The following ADPRHL1 variants were observed in gnomAD, a reference collection of about 807,000 sequenced individuals.
The protein encoded by ADPRHL1 is inactive ADP-ribosyltransferase ARH2.
ADPRHL1 carries 43 observed loss-of-function variants against 44.1 expected under a neutral mutation model. The ratio of observed to expected loss-of-function variants is 0.98; its 90% CI spans 0.76 to 1.26. ADPRHL1 has a LOEUF of 1.26. Among genes scored for constraint, ADPRHL1 ranks in the 50% most tolerant of loss-of-function variants. ADPRHL1 has a pLI of 0.00. For synonymous variants in ADPRHL1, 878 were observed against 1,017.4 expected, an observed-to-expected ratio of 0.86 and a Z score of 2.61; for missense variants, 2,022 against 2,496.9, an observed-to-expected ratio of 0.81 and a Z score of 4.05.
Position 113,404,706 on chromosome 13 carries a change from C to T in ADPRHL1, c.4576G>A (p.Gly1526Ser). ...AQGQAQEQAQGGTQGHSQGQA... is the reference protein window; with the variant it reads ...AQGQAQEQAQSGTQGHSQGQA... ...CCCTGACTGTGTCCCTGGGTCCCAC[C>T]CTGAGCCTGTTCCTGTGCCTGCCCC... Residue 1526 changes from glycine (G) to serine (S), a missense_variant, in exon 8 of 8, where the codon GGT becomes AGT. This residue lies in a region of ADPRHL1 where 32 missense variants were observed against 72.6 expected (regional missense o/e 0.44). Coordinates refer to ENST00000612156, the MANE Select transcript of ADPRHL1 (RefSeq NM_001394807.1). 1 of 1,280,468 alleles carries T rather than the reference C, an allele frequency of 7.8e-7. No individual in the cohort carries two copies. The highest frequency in any genetic ancestry group is 9.8e-7 in the Non-Finnish European group (1 of 1,020,086). The allele number at this position is 1,280,468 out of a possible 1,614,324, so 79.3% of individuals were successfully genotyped here. A position where few individuals can be genotyped will look rare whatever the true frequency, so the allele number is the denominator to read the frequency against.
At chr13:113,447,121 T>C (rs1472066428) in intron 1 of ADPRHL1, among the ~76,000 whole-genome samples, 3 of 147,490 alleles carry the variant, frequency 2.0e-5, no homozygotes, top group African/African-American at 7.6e-5. Flanking sequence ...TGTGTGTGCA[T>C]GGTGTCTACA....
intron 4 of ADPRHL1, among the ~76,000 whole-genome samples, chr13:113,425,685 T>TTC (rs1491527029): frequency 1.0e-5 from 1 of 96,396 alleles, no homozygotes; most frequent in African/African-American, 3.7e-5. Flanking sequence ...TTTTTCTTTC[T>TTC]TTTTTTTTTT....
intron 2 of ADPRHL1, among the ~76,000 whole-genome samples, chr13:113,440,458 C>CTTT (rs758896751): frequency 2.8e-5 from 4 of 142,352 alleles, no homozygotes; most frequent in Non-Finnish European, 6.2e-5. Context: ...ATTTTTCCAT[C>CTTT]TTTTTTTTTT....
At position 113,404,980 on chromosome 13, in the gene ADPRHL1, GC is replaced by G; in HGVS notation, c.4301del (p.Gly1434AlafsTer81). The G allele has an allele frequency of 8.1e-7, 1 of 1,234,950 alleles. No homozygotes were observed. 76.5% of individuals were successfully genotyped at this position (1,234,950 alleles called of 1,614,324 possible). On this transcript the variant is annotated frameshift_variant, in exon 8 of 8. Transcript: ENST00000612156. LOFTEE classifies it low-confidence loss of function (END_TRUNC). ...GDKGMAIGVG[G>X]ACQRSDQGQQ... ...GACCTTGGTCACTGCGCTGGCAGGC[GC>G]CCCCAACCCCAATGGCCATCCCTTT...
At chr13:113,427,381 A>C (rs66768418) in intron 4 of ADPRHL1, among the ~76,000 whole-genome samples, 51,337 of 152,122 alleles carry the variant, frequency 0.34, 10,372 homozygotes, top group East Asian at 0.69. Context: ...GGCTGCAGAC[A>C]ACAACCTCAG....
Position 113,406,757 on chromosome 13 carries a change from C to T in ADPRHL1, c.2525G>A (p.Arg842Gln), listed in dbSNP as rs776777726. ...GACAACTGGAATTTGGACAGTTATCCGTGGAGGCTCCGTGGCAGGCTGTGT... is the reference window on the plus strand; with the variant it reads ...GACAACTGGAATTTGGACAGTTATCTGTGGAGGCTCCGTGGCAGGCTGTGT... ...RRTQPATEPPRITVQIPVVHE... is the reference protein window; with the variant it reads ...RRTQPATEPPQITVQIPVVHE... The change falls in exon 8 of 8, where the codon CGG becomes CAG. Residue 842 changes from arginine to glutamine, a missense_variant. Physicochemically the swap from Arg to Gln is conservative, Grantham distance 43. Transcript: ENST00000612156. 1.3e-4 allele frequency: 165 copies of T among 1,231,964 alleles called. No homozygotes were observed. Among genetic ancestry groups the T allele is most frequent in the South Asian group, 2.1e-4 (5 of 24,314 alleles). The allele number at this position is 1,231,964 out of a possible 1,614,324, so 76.3% of individuals were successfully genotyped here. A position where few individuals can be genotyped will look rare whatever the true frequency, so the allele number is the denominator to read the frequency against.
chr13:113,426,957 A>G (rs1263009840), intron 4 of ADPRHL1, among the ~76,000 whole-genome samples: 1 of 152,214 alleles, frequency 6.6e-6, no homozygotes, highest in Non-Finnish European at 1.5e-5. Flanking sequence ...TACGGGACTT[A>G]ACGATCTCTG....
At chr13:113,432,571 G>A (rs373709024) in intron 3 of ADPRHL1, among the ~76,000 whole-genome samples, 7 of 152,184 alleles carry the variant, frequency 4.6e-5, no homozygotes, top group South Asian at 2.1e-4. Context: ...TCATTTTAAC[G>A]AGTTAGCAAA....
At position 113,403,872 on chromosome 13, in the gene ADPRHL1, C is replaced by T; in HGVS notation, c.5410G>A (p.Gly1804Ser). ...KGAQERAWEQ[G>S]REQALTSGMA... ...CCACTTGTCAAGGCCTGTTCCCGAC[C>T]CTGTTCCCAAGCCCGTTCCTGAGCC... The change falls in exon 8 of 8, where the codon GGT (glycine) becomes AGT (serine). Residue 1804 changes from glycine to serine, a missense_variant. Transcript: ENST00000612156. 4.8e-6 allele frequency: 6 copies of T among 1,259,756 alleles called. No individual in the cohort carries two copies. Among genetic ancestry groups the T allele is most frequent in the Non-Finnish European group, 6.0e-6 (6 of 1,007,034 alleles). 78.0% of individuals were successfully genotyped at this position (1,259,756 alleles called of 1,614,324 possible). A position where few individuals can be genotyped will look rare whatever the true frequency, so the allele number is the denominator to read the frequency against.
chr13:113,407,245 G>A lies in ADPRHL1; in HGVS notation c.2037C>T (p.Pro679=), dbSNP rs1317224720. The change falls in exon 8 of 8, where the codon CCC becomes CCT. Residue 679 remains proline, a synonymous_variant. Coordinates refer to ENST00000612156, the MANE Select transcript of ADPRHL1 (RefSeq NM_001394807.1). ...GCTTCGAGGGCCTTGGCTGTCTTTGGGGCTCCTCCTCCAGGGGCCCCTTTC... is the reference window on the plus strand; with the variant it reads ...GCTTCGAGGGCCTTGGCTGTCTTTGAGGCTCCTCCTCCAGGGGCCCCTTTC... The part of the protein sequence containing the change: ...AVGKGPLEEE[P]QRQPRPSKPV... 4 of 1,232,142 alleles carry A rather than the reference G, an allele frequency of 3.2e-6. No homozygotes were observed. The highest frequency in any genetic ancestry group is 4.0e-6 in the Non-Finnish European group (4 of 988,108). The allele number at this position is 1,232,142 out of a possible 1,614,324, so 76.3% of individuals were successfully genotyped here. A position where few individuals can be genotyped will look rare whatever the true frequency, so the allele number is the denominator to read the frequency against.
intron 4 of ADPRHL1, among the ~76,000 whole-genome samples, chr13:113,425,527 A>G (rs2043962016): frequency 1.3e-5 from 2 of 150,570 alleles, no homozygotes; most frequent in South Asian, 4.2e-4. Context: ...GCCCACCACC[A>G]CACCCGGCTA....
In ADPRHL1 at chr13:113,413,064, G is replaced by A. The variant is rs1259909678; in HGVS notation, c.1062-4844C>T. The stretch of plus-strand genomic sequence containing the variant: ...CCCACCGCCAACAGCGCCCCGCAGA[G>A]CTCGGTTCACCCACCGCCAACAGCG... On this transcript the variant is annotated intron_variant, in intron 7 of 7. Transcript: ENST00000612156. Among the ~76,000 whole-genome samples the A allele has an allele frequency of 4.6e-3, 320 of 69,450 alleles. 5 individuals carry two copies. Among genetic ancestry groups the A allele is most frequent in the African/African-American group, 5.6e-3 (61 of 10,844 alleles). 45.6% of individuals were successfully genotyped at this position (69,450 alleles called of 152,430 possible). A position where few individuals can be genotyped will look rare whatever the true frequency, so the allele number is the denominator to read the frequency against.
rs774926060 is a variant in ADPRHL1 at position 113,400,152 on chromosome 13, T to TCTAG, written c.*3225_*3226insCTAG. The TCTAG allele has an allele frequency of 1.9e-5, 2 of 107,322 alleles. No individual in the cohort carries two copies. The highest frequency in any genetic ancestry group is 7.9e-5 in the African/African-American group (2 of 25,218). 6.6% of individuals were successfully genotyped at this position (107,322 alleles called of 1,614,324 possible). A position where few individuals can be genotyped will look rare whatever the true frequency, so the allele number is the denominator to read the frequency against. ...TTTCTTTTCTTTTCTTTTCTTCTTT[T>TCTAG]TTTTTTTTTTTTTGACGGAGTCTCG... On this transcript the variant is annotated 3_prime_UTR_variant, in exon 8 of 8. Transcript: ENST00000612156.
At chr13:113,431,123 C>T (rs936807427) in intron 3 of ADPRHL1, among the ~76,000 whole-genome samples, 12 of 152,206 alleles carry the variant, frequency 7.9e-5, no homozygotes, top group African/African-American at 2.7e-4. Flanking sequence ...CCTGCTGTCA[C>T]GGCGCCATTG....
At chr13:113,411,153 C>A (rs1041773480) in intron 7 of ADPRHL1, among the ~76,000 whole-genome samples, 1 of 152,186 alleles carries the variant, frequency 6.6e-6, no homozygotes. Flanking sequence ...GCTTCTGAGC[C>A]CCACCGTCCA....
chr13:113,428,486 C>CA (rs1472344033), intron 4 of ADPRHL1, among the ~76,000 whole-genome samples: 1 of 152,228 alleles, frequency 6.6e-6, no homozygotes, highest in East Asian at 1.9e-4. Context: ...CCGGAACCGT[C>CA]ACGGATTTCC....
At chr13:113,429,214 G>T in intron 3 of ADPRHL1, 122 bp from the exon 4 acceptor site, 2 of 1,329,250 alleles carry the variant, frequency 1.5e-6, no homozygotes, top group East Asian at 2.5e-5. Context: ...TCTTTCCCAT[G>T]TTCAGGTGCA....
At chr13:113,414,572 G>T (rs2139606418) in intron 7 of ADPRHL1, among the ~76,000 whole-genome samples, 1 of 152,236 alleles carries the variant, frequency 6.6e-6, no homozygotes, top group African/African-American at 2.4e-5. Context: ...ATCTGTGCCT[G>T]TGGAACTGCT....
At chr13:113,435,438 A>C (rs2044046264) in intron 2 of ADPRHL1, among the ~76,000 whole-genome samples, 1 of 130,068 alleles carries the variant, frequency 7.7e-6, no homozygotes, top group African/African-American at 3.1e-5. Flanking sequence ...GGGACCCAGC[A>C]CCCAGGTGTA....
Sources: gnomAD v4.1 joint callset for allele counts (sites outside exome capture counted in the v4.1 genomes callset) on GRCh38, gnomAD v4.1.1 for gene constraint, gnomAD v4.1.1 regional missense constraint, MANE v1.5 for transcripts, NCBI Gene and HGNC (gene_info 2026-07-23, HGNC 2026-07-21) for gene names.